GPATCH2: variants seen among roughly 807,000 people sequenced by gnomAD.
The protein encoded by GPATCH2 is G-patch domain containing 2, also known as G patch domain-containing protein 2.
GPATCH2 carries 51 observed loss-of-function variants against 58.0 expected under a neutral mutation model. The ratio of observed to expected loss-of-function variants is 0.88; its 90% CI spans 0.70 to 1.11. The LOEUF (loss-of-function observed/expected upper bound fraction) is 1.11, where lower values mean the gene tolerates loss of function less well. GPATCH2 is among the 50% of genes most tolerant of loss of function. The probability of loss-of-function intolerance (pLI) is 0.00; values close to 1 mark genes in which losing one functional copy is unlikely to be tolerated. For missense variants in GPATCH2, 625 were observed against 652.2 expected (o/e 0.96, Z 0.45); for synonymous variants, 222 against 218.5 (o/e 1.02, Z -0.14).
intron 6 of GPATCH2, among the ~76,000 whole-genome samples, chr1:217,505,187 T>G (rs893172687): frequency 2.0e-5 from 3 of 152,126 alleles, no homozygotes; most frequent in African/African-American, 4.8e-5. Flanking sequence ...AATTCAGTTC[T>G]CCCCCTAGGA....
intron 5 of GPATCH2, among the ~76,000 whole-genome samples, chr1:217,546,213 C>G (rs1196200142): frequency 6.6e-6 from 1 of 152,160 alleles, no homozygotes; most frequent in African/African-American, 2.4e-5. Flanking sequence ...TTAAAATGGA[C>G]ATAATGCCCA....
At chr1:217,536,676 T>TA in intron 5 of GPATCH2, among the ~76,000 whole-genome samples, 1 of 151,980 alleles carries the variant, frequency 6.6e-6, no homozygotes. Context: ...ACTATATTCT[T>TA]AAAAAAACAG....
In GPATCH2 at chr1:217,450,844, T is replaced by C. The variant is rs1178090517; in HGVS notation, c.1278-1507A>G. On this transcript the variant is annotated intron_variant, in intron 8 of 9. Transcript: ENST00000366935. ...TGACTGTGTCTACTTTTTAAGATTA[T>C]ATATACATTTTTAAAAAGTAGAATG... Among the ~76,000 whole-genome samples the C allele has an allele frequency of 2.0e-5, 3 of 152,158 alleles. No individual in the cohort carries two copies. The East Asian group carries it at 5.8e-4, about 29-fold the overall frequency.
At chr1:217,479,728 A>G (rs947831760) in intron 8 of GPATCH2, among the ~76,000 whole-genome samples, 4 of 152,174 alleles carry the variant, frequency 2.6e-5, no homozygotes, top group Admixed American at 1.3e-4. Context: ...GGCTGAATGG[A>G]TAAAAATTCA....
In GPATCH2 at chr1:217,431,151, G is replaced by A. The variant is rs138032371; in HGVS notation, c.1581C>T (p.Ser527=). Residue 527 remains serine (S), a synonymous_variant, in exon 10 of 10, where the codon TCC becomes TCT. Transcript: ENST00000366935. Reference sequence around the variant, plus strand: ...CATTTCTTCTTTGCTTTTCTTAGGCGGATTTTCCTGCATTGGGGGTAGTAG... The same window carrying A: ...CATTTCTTCTTTGCTTTTCTTAGGCAGATTTTCCTGCATTGGGGGTAGTAG... The part of the protein sequence containing the change: ...SATTTPNAGK[S]A The A allele has an allele frequency of 1.2e-4, 179 of 1,437,462 alleles. 1 individual carries two copies. In the African/African-American group the frequency reaches 2.1e-3, roughly 17 times the overall value. 89.0% of individuals were successfully genotyped at this position (1,437,462 alleles called of 1,614,324 possible).
chr1:217,624,394 T>C lies in GPATCH2; in HGVS notation c.57-3895A>G, dbSNP rs1397986104. On this transcript the variant is annotated intron_variant, in intron 1 of 9. Coordinates refer to ENST00000366935, the MANE Select transcript of GPATCH2 (RefSeq NM_018040.5). ...TTAGCCATGCACAGTGGCAGATGCC[T>C]GTAATCTCAGCTACTCAGGAGGCTG... is the stretch of plus-strand genomic sequence containing the variant. Among the ~76,000 whole-genome samples, 3 of 152,212 alleles carry C rather than the reference T, an allele frequency of 2.0e-5. No individual in the cohort carries two copies. In the East Asian group the frequency reaches 5.8e-4, roughly 29 times the overall value.
chr1:217,607,793 T>G (rs190341135), intron 5 of GPATCH2, among the ~76,000 whole-genome samples: 1 of 152,296 alleles, frequency 6.6e-6, no homozygotes, highest in East Asian at 1.9e-4. Flanking sequence ...CAAAAAATGT[T>G]TACATTGATA....
rs551919069 is a variant in GPATCH2 at position 217,453,763 on chromosome 1, G to A, written c.1278-4426C>T. ...CTTTTGACACGGGCTGACAAGGACC[G>A]AAGCAGGCAGTGTCAGACGCAATAA... On this transcript the variant is annotated intron_variant, in intron 8 of 9. Coordinates refer to ENST00000366935, the MANE Select transcript of GPATCH2 (RefSeq NM_018040.5). 2.2e-4 allele frequency among the ~76,000 whole-genome samples: 34 copies of A among 152,270 alleles called. 1 individual carries two copies. Among genetic ancestry groups the A allele is most frequent in the South Asian group, 1.0e-3 (5 of 4,820 alleles).
At chr1:217,581,771 T>C (rs1233956702) in intron 5 of GPATCH2, among the ~76,000 whole-genome samples, 2 of 152,006 alleles carry the variant, frequency 1.3e-5, no homozygotes, top group African/African-American at 4.8e-5. Context: ...GCCAACATGG[T>C]GAAACCCCAT....
At chr1:217,588,579 A>T (rs979708778) in intron 5 of GPATCH2, among the ~76,000 whole-genome samples, 3 of 152,214 alleles carry the variant, frequency 2.0e-5, no homozygotes, top group African/African-American at 7.2e-5. Context: ...CCAGTCATAT[A>T]ATTAAATGTC....
At position 217,620,117 on chromosome 1, in the gene GPATCH2, C is replaced by A; in HGVS notation, c.439G>T (p.Asp147Tyr). 1 of 1,614,140 alleles carries A rather than the reference C, an allele frequency of 6.2e-7. No individual in the cohort carries two copies. Among genetic ancestry groups the A allele is most frequent in the Non-Finnish European group, 8.5e-7 (1 of 1,180,024 alleles). ...RGKRPLWHESDFAVDNVGNRT... is the reference protein window; with the variant it reads ...RGKRPLWHESYFAVDNVGNRT... ...TTCCCAACATTGTCCACAGCAAAAT[C>A]AGACTCATGCCATAGAGGTCTTTTC... Residue 147 changes from aspartate to tyrosine, a missense_variant, in exon 2 of 10, where the codon GAT becomes TAT. By Grantham distance (160) the Asp-to-Tyr change is radical. Transcript: ENST00000366935.
chr1:217,460,293 A>G (rs534415164), intron 8 of GPATCH2, among the ~76,000 whole-genome samples: 1 of 152,342 alleles, frequency 6.6e-6, no homozygotes, highest in Admixed American at 6.5e-5. Context: ...GTACCTTACT[A>G]CATCATCCAA....
At chr1:217,572,000 AGAAGGAAG>A (rs71166011) in intron 5 of GPATCH2, among the ~76,000 whole-genome samples, 3 of 135,134 alleles carry the variant, frequency 2.2e-5, no homozygotes, top group African/African-American at 5.4e-5. Flanking sequence ...AAGGAAGGAA[AGAAGGAAG>A]GAAGGAAGGA....
intron 8 of GPATCH2, among the ~76,000 whole-genome samples, chr1:217,484,689 A>T (rs1286767474): frequency 6.7e-6 from 1 of 150,272 alleles, no homozygotes; most frequent in Non-Finnish European, 1.5e-5. Context: ...ACACATATGA[A>T]CATATATGTG....
intron 8 of GPATCH2, among the ~76,000 whole-genome samples, chr1:217,462,410 T>G (rs1038376180): frequency 3.0e-4 from 45 of 152,254 alleles, no homozygotes; most frequent in Non-Finnish European, 3.2e-4. Context: ...ACTGTTTAAG[T>G]GACTATTTTA....
intron 6 of GPATCH2, among the ~76,000 whole-genome samples, chr1:217,509,464 C>T (rs902982011): frequency 1.3e-5 from 2 of 152,144 alleles, no homozygotes; most frequent in Admixed American, 6.5e-5. Context: ...CCAGTGATGA[C>T]CAATTTTAGT....
intron 1 of GPATCH2, among the ~76,000 whole-genome samples, chr1:217,624,766 G>GA (rs1253678723): frequency 6.6e-6 from 1 of 152,142 alleles, no homozygotes; most frequent in African/African-American, 2.4e-5. Flanking sequence ...TAAATTCAGT[G>GA]AATGTACCAC....
intron 5 of GPATCH2, among the ~76,000 whole-genome samples, chr1:217,591,510 C>T (rs976948006): frequency 6.6e-6 from 1 of 151,924 alleles, no homozygotes; most frequent in Non-Finnish European, 1.5e-5. Context: ...ATAACTAAAC[C>T]CTGGCTAATA....
chr1:217,474,888 TA>T (rs1347006033), intron 8 of GPATCH2, among the ~76,000 whole-genome samples: 2 of 152,112 alleles, frequency 1.3e-5, no homozygotes, highest in African/African-American at 2.4e-5. Flanking sequence ...AAGATACTAT[TA>T]AAAATACTAA....
Sources: gnomAD v4.1 joint callset for allele counts (sites outside exome capture counted in the v4.1 genomes callset) on GRCh38, gnomAD v4.1.1 for gene constraint, MANE v1.5 for transcripts, NCBI Gene and HGNC (gene_info 2026-07-23, HGNC 2026-07-21) for gene names.